COL12A1: variants seen among roughly 807,000 people sequenced by gnomAD.
COL12A1 encodes collagen type XII alpha 1 chain, also known as collagen alpha-1(XII) chain.
COL12A1 carries 114 observed loss-of-function variants against 349.7 expected under a neutral mutation model. The ratio of observed to expected loss-of-function variants is 0.33; its 90% confidence interval spans 0.28 to 0.38. The LOEUF is 0.38. Among genes scored for constraint, COL12A1 ranks in the 10% least tolerant of loss-of-function variants. The probability of loss-of-function intolerance (pLI) is 1.00; values close to 1 mark genes in which losing one functional copy is unlikely to be tolerated. For synonymous variants in COL12A1, 1,369 were observed against 1,329.0 expected (o/e 1.03, Z -0.66); for missense variants, 3,284 against 3,756.9 (o/e 0.87, Z 3.29).
chr6:75,089,201 C>A (rs1767644487), intron 63 of COL12A1, 27 bp from the exon 64 acceptor site: 1 of 1,540,696 alleles, frequency 6.5e-7, no homozygotes. Context: ...AGAGAAAGCA[C>A]AGGGGAAAAA....
chr6:75,179,263 C>A (rs930149098), intron 11 of COL12A1, among the ~76,000 whole-genome samples: 1 of 152,096 alleles, frequency 6.6e-6, no homozygotes, highest in Non-Finnish European at 1.5e-5. Flanking sequence ...AGACCAATGA[C>A]CAAAAACTAG....
At chr6:75,174,943 C>T in intron 13 of COL12A1, 95 bp downstream of exon 13, 2 of 1,337,648 alleles carry the variant, frequency 1.5e-6, no homozygotes, top group Non-Finnish European at 2.1e-6. Flanking sequence ...AAGGATTGCA[C>T]ACTTCTAGAT....
intron 50 of COL12A1, 21 bp downstream of exon 50, chr6:75,113,581 C>A: frequency 6.3e-7 from 1 of 1,592,252 alleles, no homozygotes; most frequent in Non-Finnish European, 8.6e-7. Context: ...TATGCATGTG[C>A]CTTAAGATAA....
chr6:75,155,960 C>A, intron 15 of COL12A1, 106 bp from the exon 16 acceptor site: 1 of 1,184,614 alleles, frequency 8.4e-7, no homozygotes. Flanking sequence ...GGGTTTAAGT[C>A]CGGTAGCACA....
intron 11 of COL12A1, among the ~76,000 whole-genome samples, chr6:75,179,514 C>T (rs1208760763): frequency 6.7e-6 from 1 of 148,782 alleles, no homozygotes; most frequent in Non-Finnish European, 1.5e-5. Context: ...ATGTGATGGA[C>T]TTCAGGAAGA....
chr6:75,094,923 A>G (rs990990293), intron 60 of COL12A1, among the ~76,000 whole-genome samples, 185 bp downstream of exon 60: 1 of 152,250 alleles, frequency 6.6e-6, no homozygotes, highest in Non-Finnish European at 1.5e-5. Flanking sequence ...CCAGAATATT[A>G]TAACAACCCA....
chr6:75,195,616 A>C (rs1277477764), intron 2 of COL12A1, among the ~76,000 whole-genome samples: 4 of 152,308 alleles, frequency 2.6e-5, no homozygotes, highest in South Asian at 4.1e-4. Context: ...GTATTCAAAA[A>C]TAAGTGATGT....
intron 2 of COL12A1, among the ~76,000 whole-genome samples, chr6:75,198,166 C>G (rs1163652839): frequency 6.6e-6 from 1 of 152,108 alleles, no homozygotes; most frequent in Non-Finnish European, 1.5e-5. Flanking sequence ...ATATTTCCAT[C>G]AAAAATTAAC....
intron 45 of COL12A1, 33 bp downstream of exon 45, chr6:75,119,317 G>T: frequency 1.2e-6 from 2 of 1,606,342 alleles, no homozygotes; most frequent in Non-Finnish European, 1.7e-6. Context: ...CACTACAAAT[G>T]CTTGAAGAGT....
In COL12A1 at chr6:75,183,384, A is replaced by T. The variant is rs746732541; in HGVS notation, c.1557T>A (p.Thr519=). 1 of 1,614,226 alleles carries T rather than the reference A, an allele frequency of 6.2e-7. No individual in the cohort carries two copies. ...TFPYRGGSTN[T]GKAMTYVREK... ...CTCTGACATAAGTCATTGCTTTGCC[A>T]GTATTTGTAGATCCTCCTCTGTAAG... Residue 519 remains threonine, a synonymous_variant, in exon 10 of 66, where the codon ACT becomes ACA. Transcript: ENST00000322507.
At chr6:75,092,436 A>G (rs1767817321) in intron 60 of COL12A1, among the ~76,000 whole-genome samples, 1 of 152,092 alleles carries the variant, frequency 6.6e-6, no homozygotes, top group African/African-American at 2.4e-5. Context: ...CAAGCATAGA[A>G]TATTTGTCCC....
Position 75,181,167 on chromosome 6 carries a change from A to C in COL12A1, c.1936T>G (p.Tyr646Asp). 6.2e-7 allele frequency: 1 copy of C among 1,614,014 alleles called. No homozygotes were observed. The highest frequency in any genetic ancestry group is 8.5e-7 in the Non-Finnish European group (1 of 1,179,992). ...KDLSFSEVTSYGFKTNWSPAG... is the reference protein window; with the variant it reads ...KDLSFSEVTSDGFKTNWSPAG... ...GGAGACCAGTTGGTTTTGAAACCAT[A>C]AGAAGTCACTTCTGAAAAACTAAGA... The change falls in exon 11 of 66, where the codon TAT becomes GAT. Residue 646 changes from tyrosine (Y) to aspartate (D), a missense_variant. Coordinates refer to ENST00000322507, the MANE Select transcript of COL12A1 (RefSeq NM_004370.6).
intron 38 of COL12A1, among the ~76,000 whole-genome samples, chr6:75,127,287 T>C (rs1403309446): frequency 1.3e-5 from 2 of 152,148 alleles, no homozygotes; most frequent in Non-Finnish European, 2.9e-5. Flanking sequence ...TGAGTCTCCA[T>C]TGACTCAGTC....
Position 75,133,964 on chromosome 6 carries a change from T to C in COL12A1, c.5558A>G (p.Tyr1853Cys). The C allele has an allele frequency of 6.2e-7, 1 of 1,614,038 alleles. No homozygotes were observed. The highest frequency in any genetic ancestry group is 8.5e-7 in the Non-Finnish European group (1 of 1,179,968). Residue 1853 changes from tyrosine to cysteine, a missense_variant, in exon 33 of 66, where the codon TAT becomes TGT. Tyr to Cys is a radical substitution (Grantham distance 194). This residue lies in a region of COL12A1 where 2,601 missense variants were observed against 2,824.8 expected (regional missense o/e 0.92). Transcript: ENST00000322507. ...ATTCAAGGTGCTGGTAGAAGGGTCA[T>C]ACACTCTCAGGTTCCTTACAGTGTT... Reference protein sequence around the residue: ...PLNTVRNLRVYDPSTSTLNVR... With the variant: ...PLNTVRNLRVCDPSTSTLNVR...
intron 13 of COL12A1, 95 bp from the exon 14 acceptor site, chr6:75,165,874 G>T: frequency 1.6e-6 from 2 of 1,226,742 alleles, no homozygotes; most frequent in South Asian, 1.5e-5. Flanking sequence ...CTGACTTGCT[G>T]GACTCACACT....
chr6:75,131,314 C>T (rs1766291566), intron 35 of COL12A1, among the ~76,000 whole-genome samples: 1 of 152,138 alleles, frequency 6.6e-6, no homozygotes, highest in South Asian at 2.1e-4. Context: ...AGAATAGGAA[C>T]TCTTATTGTG....
rs1181255791 is a variant in COL12A1 at position 75,117,485 on chromosome 6, G to C, written c.7416C>G (p.Ala2472=). The C allele has an allele frequency of 1.2e-6, 2 of 1,613,556 alleles. No homozygotes were observed. Among genetic ancestry groups the C allele is most frequent in the Non-Finnish European group, 1.7e-6 (2 of 1,179,694 alleles). ...DVDYNELANI[A]SKPSERHVFI... The stretch of plus-strand genomic sequence containing the variant: ...ACACGTGCCGTTCACTTGGTTTGCT[G>C]GCAATGTTGGCAAGCTCATTGTAGT... The change falls in exon 47 of 66, where the codon GCC becomes GCG. Residue 2472 remains alanine, a synonymous_variant. Coordinates refer to ENST00000322507, the MANE Select transcript of COL12A1 (RefSeq NM_004370.6).
rs760079030 is a variant in COL12A1 at position 75,130,993 on chromosome 6, G to A, written c.5938-12C>T. On this transcript the variant is annotated splice_polypyrimidine_tract_variant and intron_variant, in intron 35 of 65. Transcript: ENST00000322507. ...CCTGGCACTACTATCTGCAGGAGAG[G>A]AAATGCCAAATTCTGCCTGACAACA... 17 of 1,613,912 alleles carry A rather than the reference G, an allele frequency of 1.1e-5. No individual in the cohort carries two copies. The highest frequency in any genetic ancestry group is 4.5e-5 in the East Asian group (2 of 44,892).
At chr6:75,096,142 T>C (rs1351010348) in intron 59 of COL12A1, among the ~76,000 whole-genome samples, 2 of 152,316 alleles carry the variant, frequency 1.3e-5, no homozygotes, top group East Asian at 3.9e-4. Context: ...TAATAGAATG[T>C]TTATAATATG....
Sources: gnomAD v4.1 joint callset for allele counts (sites outside exome capture counted in the v4.1 genomes callset) on GRCh38, gnomAD v4.1.1 for gene constraint, gnomAD v4.1.1 regional missense constraint, MANE v1.5 for transcripts, NCBI Gene and HGNC (gene_info 2026-07-23, HGNC 2026-07-21) for gene names.